The following GALNT18 variants were observed in gnomAD, a reference collection of about 807,000 sequenced individuals.
The protein encoded by GALNT18 is GalNAc-transferase 18.
Under a neutral mutation model 69.5 loss-of-function variants are expected in GALNT18, and 44 were observed. That is an observed-to-expected ratio of 0.63 (90% CI 0.50 to 0.81). GALNT18 has a LOEUF of 0.81. GALNT18 is among the 40% of genes least tolerant of loss of function. The probability of loss-of-function intolerance (pLI) is 0.00; values close to 1 mark genes in which losing one functional copy is unlikely to be tolerated. For synonymous variants in GALNT18, 364 were observed against 318.2 expected, an observed-to-expected ratio of 1.14 and a Z score of -1.53; for missense variants, 715 against 810.0, an observed-to-expected ratio of 0.88 and a Z score of 1.42.
intron 1 of GALNT18, among the ~76,000 whole-genome samples, chr11:11,506,458 G>A (rs1278595603): frequency 1.3e-5 from 2 of 152,168 alleles, no homozygotes; most frequent in African/African-American, 4.8e-5. Context: ...GCTATGAGGG[G>A]GACAAGGAAA....
chr11:11,517,429 GA>G (rs1479745115), intron 1 of GALNT18, among the ~76,000 whole-genome samples: 1 of 152,088 alleles, frequency 6.6e-6, no homozygotes, highest in Non-Finnish European at 1.5e-5. Context: ...TTCCTCCTGG[GA>G]AAAAATAAAG....
chr11:11,577,202 C>T (rs1384279167), intron 1 of GALNT18, among the ~76,000 whole-genome samples: 2 of 152,190 alleles, frequency 1.3e-5, no homozygotes, highest in East Asian at 3.8e-4. Flanking sequence ...ATTCCAGGGG[C>T]TCAGTAATGG....
chr11:11,502,116 T>C (rs1452014644), intron 1 of GALNT18, among the ~76,000 whole-genome samples: 2 of 148,638 alleles, frequency 1.3e-5, no homozygotes, highest in African/African-American at 2.5e-5. Context: ...TAGAGCTCGT[T>C]TGAGGATAAA....
At position 11,440,429 on chromosome 11, in the gene GALNT18, AAGGTGGGGC is replaced by A. The variant is rs141983265; in HGVS notation, c.429-7651_429-7643del. ...AGGCCCATAGCACCTACAGCTGAGG[AAGGTGGGGC>A]AGGGCAGATCTGCTGGGGCCGGGAA... On this transcript the variant is annotated intron_variant, in intron 2 of 10. Transcript: ENST00000227756. 1.7e-3 allele frequency among the ~76,000 whole-genome samples: 255 copies of A among 152,270 alleles called. 4 individuals are homozygous for A. The highest frequency in any genetic ancestry group is 0.013 in the Admixed American group (200 of 15,296).
chr11:11,621,678 A>T lies in GALNT18; in HGVS notation c.-85T>A. On this transcript the variant is annotated 5_prime_UTR_variant, in exon 1 of 11. Transcript: ENST00000227756. This position sits in a 1 kb window ranked among gnomAD's most constrained non-coding sequence, Gnocchi z 9.3. ...CTCCCCCGCGCTCGCACCCCGTAGC[A>T]CGTCCGGAGCCGCTGGGCACCTCAG... is the stretch of plus-strand genomic sequence containing the variant. 1 of 1,032,750 alleles carries T rather than the reference A, an allele frequency of 9.7e-7. No individual in the cohort carries two copies. The allele number at this position is 1,032,750 out of a possible 1,614,324, so 64.0% of individuals were successfully genotyped here. A position where few individuals can be genotyped will look rare whatever the true frequency, so the allele number is the denominator to read the frequency against.
At chr11:11,451,309 A>C (rs1028445995) in intron 1 of GALNT18, among the ~76,000 whole-genome samples, 1 of 152,236 alleles carries the variant, frequency 6.6e-6, no homozygotes, top group Non-Finnish European at 1.5e-5. Flanking sequence ...ACTGAATCAT[A>C]TAATATTTAA....
intron 1 of GALNT18, among the ~76,000 whole-genome samples, chr11:11,477,367 G>A (rs924711812): frequency 6.6e-6 from 1 of 152,192 alleles, no homozygotes; most frequent in South Asian, 2.1e-4. Flanking sequence ...CAAAGAAGCT[G>A]CAGTCACCTG....
Position 11,555,900 on chromosome 11 carries a change from C to T in GALNT18, c.235+65459G>A, listed in dbSNP as rs145822749. On this transcript the variant is annotated intron_variant, in intron 1 of 10. Transcript: ENST00000227756. The surrounding 1 kb of genome is among the most constrained non-coding windows in gnomAD (Gnocchi z 4.7). ...TATCAGGAAAGAGGCTGGGGTCTCA[C>T]GAGAATGCAGAGCAGGATCATCTGA... Among the ~76,000 whole-genome samples the T allele has an allele frequency of 8.0e-4, 122 of 152,312 alleles. 4 individuals carry two copies. The South Asian group carries it at 0.022, about 28-fold the overall frequency.
Position 11,332,026 on chromosome 11 carries a change from CG to C in GALNT18, c.1416+667del, listed in dbSNP as rs1564898108. Among the ~76,000 whole-genome samples, 3 of 152,026 alleles carry C rather than the reference CG, an allele frequency of 2.0e-5. No homozygotes were observed. Among genetic ancestry groups the C allele is most frequent in the Non-Finnish European group, 4.4e-5 (3 of 67,986 alleles). ...AAATCTTAGATTTTCTTTTACTCTACGGGGATAGTATTGAATTACCCCCATT... is the reference window on the plus strand; with the variant it reads ...AAATCTTAGATTTTCTTTTACTCTACGGGATAGTATTGAATTACCCCCATT... On this transcript the variant is annotated intron_variant, in intron 8 of 10. Transcript: ENST00000227756. The surrounding 1 kb of genome is among the most constrained non-coding windows in gnomAD (Gnocchi z 4.3).
chr11:11,545,581 GA>G, intron 1 of GALNT18, among the ~76,000 whole-genome samples: 1 of 152,296 alleles, frequency 6.6e-6, no homozygotes, highest in South Asian at 2.1e-4. Context: ...TCATGCCTCA[GA>G]AAAAAATCAC....
chr11:11,381,882 C>G (rs1016686276), intron 3 of GALNT18, among the ~76,000 whole-genome samples: 11 of 152,222 alleles, frequency 7.2e-5, no homozygotes, highest in African/African-American at 2.4e-4. Flanking sequence ...TGCTGATTCA[C>G]ACCATAACTT....
intron 6 of GALNT18, among the ~76,000 whole-genome samples, chr11:11,357,459 T>C (rs1053533325): frequency 2.0e-5 from 3 of 152,182 alleles, no homozygotes; most frequent in African/African-American, 7.2e-5. Flanking sequence ...CCGCCTTCCA[T>C]CAATCTCCAC....
rs551986088 is a variant in GALNT18 at position 11,282,135 on chromosome 11, C to T, written c.1678-10845G>A. Among the ~76,000 whole-genome samples the T allele has an allele frequency of 9.2e-5, 14 of 152,312 alleles. No individual in the cohort carries two copies. The South Asian group carries it at 2.7e-3, about 29-fold the overall frequency. The stretch of plus-strand genomic sequence containing the variant: ...CACTGGCCACCAGCACTGTCTTCCT[C>T]CTGTCCCCCTTCTTGACCTCAGCCT... On this transcript the variant is annotated intron_variant, in intron 10 of 10. Coordinates refer to ENST00000227756, the MANE Select transcript of GALNT18 (RefSeq NM_198516.3).
intron 1 of GALNT18, among the ~76,000 whole-genome samples, chr11:11,512,771 C>T (rs1057189583): frequency 3.3e-5 from 5 of 152,168 alleles, no homozygotes; most frequent in African/African-American, 1.2e-4. Flanking sequence ...AGTGGTATTA[C>T]CATGCTCTGC....
chr11:11,521,474 C>T (rs4128873), intron 1 of GALNT18, among the ~76,000 whole-genome samples: 35,295 of 151,788 alleles, frequency 0.23, 5,075 homozygotes, highest in South Asian at 0.37. Context: ...ACTTGCTCTC[C>T]AGTTCTCGGG....
chr11:11,490,844 C>A (rs183518993), intron 1 of GALNT18, among the ~76,000 whole-genome samples: 3 of 152,212 alleles, frequency 2.0e-5, no homozygotes, highest in Non-Finnish European at 4.4e-5. Context: ...GAAACTCCAA[C>A]GCGGATTGTC....
chr11:11,308,199 C>T lies in GALNT18; in HGVS notation c.1513-15006G>A, dbSNP rs578173556. ...TACGACTCTACTCACCACTTCCTGG[C>T]GTGGCAGGAAGAACCTCGCCGTGTA... On this transcript the variant is annotated intron_variant, in intron 9 of 10. Coordinates refer to ENST00000227756, the MANE Select transcript of GALNT18 (RefSeq NM_198516.3). Among the ~76,000 whole-genome samples the T allele has an allele frequency of 1.6e-4, 25 of 152,252 alleles. No individual in the cohort carries two copies. The East Asian group carries it at 3.5e-3, about 21-fold the overall frequency.
chr11:11,441,704 C>T (rs1031706059), intron 2 of GALNT18, among the ~76,000 whole-genome samples: 2 of 152,180 alleles, frequency 1.3e-5, no homozygotes, highest in South Asian at 2.1e-4. Context: ...GGTGACGGCT[C>T]GTGAATCTTT....
intron 1 of GALNT18, among the ~76,000 whole-genome samples, chr11:11,557,567 C>T (rs1858361150): frequency 6.6e-6 from 1 of 152,266 alleles, no homozygotes; most frequent in South Asian, 2.1e-4. Context: ...AAATATCTCC[C>T]TCCTAGGGTT....
Sources: gnomAD v4.1 joint callset for allele counts (sites outside exome capture counted in the v4.1 genomes callset) on GRCh38, gnomAD v4.1.1 for gene constraint, Gnocchi (gnomAD v3.1) non-coding constraint, MANE v1.5 for transcripts, NCBI Gene and HGNC (gene_info 2026-07-23, HGNC 2026-07-21) for gene names.